Variants in DENND5A observed in about 807,000 individuals in gnomAD.
DENND5A encodes DENN domain containing 5A.
Under a neutral mutation model 140.3 loss-of-function variants are expected in DENND5A, and 64 were observed. The observed-to-expected ratio is 0.46, with a 90% CI of 0.37 to 0.56. The LOEUF (loss-of-function observed/expected upper bound fraction) is 0.56. Among genes scored for constraint, DENND5A ranks in the 20% least tolerant of loss-of-function variants. The pLI is 0.00. For missense variants in DENND5A, 1,292 were observed against 1,593.8 expected (o/e 0.81, Z 3.22); for synonymous variants, 605 against 607.7 (o/e 1.00, Z 0.07).
intron 3 of DENND5A, 82 bp downstream of exon 3, chr11:9,206,591 A>C: frequency 1.0e-6 from 1 of 975,222 alleles, no homozygotes; most frequent in South Asian, 1.3e-5. Flanking sequence ...TGGTGGCACC[A>C]CTGCTACCAC....
intron 8 of DENND5A, chr11:9,177,011 T>C (rs746415336): frequency 1.4e-4 from 61 of 437,642 alleles, no homozygotes; most frequent in Non-Finnish European, 2.1e-4. Flanking sequence ...TCCTAGCACT[T>C]TGGAATGCAG....
chr11:9,151,850 GGACTAGAT>G lies in DENND5A; in HGVS notation c.2521+500_2521+507del, dbSNP rs1399792223. Among the ~76,000 whole-genome samples, 9 of 152,218 alleles carry G rather than the reference GGACTAGAT, an allele frequency of 5.9e-5. No individual in the cohort carries two copies. In the South Asian group the frequency reaches 1.9e-3, roughly 32 times the overall value. On this transcript the variant is annotated intron_variant, in intron 13 of 22. Transcript: ENST00000328194. ...CCTCCTCTTGTAAAATAAAGGGCCT[GGACTAGAT>G]GACCTCTGGAGTTGCCACAAACTCT...
intron 14 of DENND5A, among the ~76,000 whole-genome samples, 178 bp from the exon 15 acceptor site, chr11:9,150,387 C>T (rs1293284625): frequency 6.6e-6 from 1 of 152,144 alleles, no homozygotes; most frequent in African/African-American, 2.4e-5. Flanking sequence ...ATAGGCTCAC[C>T]ATATTTTGGG....
intron 15 of DENND5A, among the ~76,000 whole-genome samples, chr11:9,148,288 G>A (rs1847498001): frequency 1.3e-5 from 2 of 151,558 alleles, no homozygotes; most frequent in South Asian, 4.2e-4. Context: ...TCAGGGAAGT[G>A]ATCAGTTAGC....
chr11:9,250,589 T>C (rs1396447633), intron 1 of DENND5A, among the ~76,000 whole-genome samples: 1 of 152,160 alleles, frequency 6.6e-6, no homozygotes, highest in African/African-American at 2.4e-5. Context: ...AAGACCTGGA[T>C]TCTAACAGAT....
At chr11:9,234,217 C>T (rs111475860) in intron 1 of DENND5A, among the ~76,000 whole-genome samples, 8,872 of 149,934 alleles carry the variant, frequency 0.059, 363 homozygotes, top group South Asian at 0.1. Context: ...CCCTCCAAAC[C>T]ACATTCCTTT....
chr11:9,247,099 A>G (rs528585556), intron 1 of DENND5A, among the ~76,000 whole-genome samples: 51 of 152,158 alleles, frequency 3.4e-4, no homozygotes, highest in African/African-American at 1.1e-3. Context: ...GCATGGTGGC[A>G]GGCGCCTGTA....
intron 1 of DENND5A, among the ~76,000 whole-genome samples, chr11:9,220,631 A>G (rs9736263): frequency 0.63 from 94,713 of 151,228 alleles, 30,239 homozygotes; most frequent in African/African-American, 0.74. Flanking sequence ...GGTGGCTCAC[A>G]CCTATAATCC....
chr11:9,262,760 G>C (rs1452839468), intron 1 of DENND5A, among the ~76,000 whole-genome samples: 1 of 150,342 alleles, frequency 6.7e-6, no homozygotes, highest in Non-Finnish European at 1.5e-5. Context: ...TTTGGACGGA[G>C]TCTCGCTCTG....
chr11:9,175,364 A>G (rs1221595192), intron 8 of DENND5A: 1 of 152,200 alleles, frequency 6.6e-6, no homozygotes, highest in African/African-American at 2.4e-5. Context: ...ACCTAAATAA[A>G]TGGAAAGATA....
Position 9,180,979 on chromosome 11 carries a change from G to T in DENND5A, c.1243C>A (p.Leu415Ile), listed in dbSNP as rs1258859611. The T allele has an allele frequency of 6.2e-7, 1 of 1,614,180 alleles. No individual in the cohort carries two copies. The highest frequency in any genetic ancestry group is 1.7e-5 in the Admixed American group (1 of 60,018). The change falls in exon 6 of 23, where the codon CTC becomes ATC. Residue 415 changes from leucine to isoleucine, a missense_variant. This residue lies in a region of DENND5A where 566 missense variants were observed against 650.4 expected (regional missense o/e 0.87). Transcript: ENST00000328194. ...TCAGGGGGAATTCCAAATGCCATGA[G>T]AATCTCAGAGACTTCCTGGACAAAC... ...LEFVQEVSEI[L>I]MAFGIPPEGN...
chr11:9,189,801 C>A (rs187998774), intron 5 of DENND5A, among the ~76,000 whole-genome samples: 2 of 152,260 alleles, frequency 1.3e-5, no homozygotes, highest in Non-Finnish European at 2.9e-5. Context: ...CCACCATGCC[C>A]AGCCAATTTT....
In DENND5A at chr11:9,264,993, G is replaced by C; in HGVS notation, c.77C>G (p.Thr26Arg). 1.3e-6 allele frequency: 2 copies of C among 1,589,082 alleles called. No homozygotes were observed. Among genetic ancestry groups the C allele is most frequent in the Non-Finnish European group, 8.5e-7 (1 of 1,169,866 alleles). The change falls in exon 1 of 23, where the codon ACG becomes AGG. Residue 26 changes from threonine to arginine, a missense_variant. Thr to Arg is a moderately conservative substitution (Grantham distance 71). This residue lies in a region of DENND5A where 566 missense variants were observed against 650.4 expected (regional missense o/e 0.87). Transcript: ENST00000328194. The stretch of plus-strand genomic sequence containing the variant: ...CTCGTCCGGCTCCAGCCCGGTCTCC[G>C]TGTCCAGTCCGCAGATGACAAAGTA... ...ADYFVICGLD[T>R]ETGLEPDELS...
intron 4 of DENND5A, among the ~76,000 whole-genome samples, chr11:9,202,721 C>G (rs963558042): frequency 1.3e-5 from 2 of 152,120 alleles, no homozygotes; most frequent in African/African-American, 2.4e-5. Context: ...TCATTCACTC[C>G]ATTCCATCCA....
rs1372779520 is a variant in DENND5A at position 9,138,957 on chromosome 11, C to T, written c.*714G>A. 1.3e-5 allele frequency: 2 copies of T among 152,184 alleles called. No individual in the cohort carries two copies. Among genetic ancestry groups the T allele is most frequent in the Non-Finnish European group, 2.9e-5 (2 of 67,990 alleles). 9.4% of individuals were successfully genotyped at this position (152,184 alleles called of 1,614,324 possible). On this transcript the variant is annotated 3_prime_UTR_variant, in exon 23 of 23. Coordinates refer to ENST00000328194, the MANE Select transcript of DENND5A (RefSeq NM_015213.4). Reference sequence around the variant, plus strand: ...TTCCTTTCCTTAAAAAAAGAAAATACTTAAAAACACACAATGGCGGGTTAA... The same window carrying T: ...TTCCTTTCCTTAAAAAAAGAAAATATTTAAAAACACACAATGGCGGGTTAA...
intron 1 of DENND5A, among the ~76,000 whole-genome samples, chr11:9,238,632 T>C (rs991810047): frequency 6.6e-6 from 1 of 151,890 alleles, no homozygotes; most frequent in Non-Finnish European, 1.5e-5. Flanking sequence ...GCCAGGATGG[T>C]CTCGATCTCC....
chr11:9,194,938 C>T lies in DENND5A; in HGVS notation c.950-1257G>A, dbSNP rs545382018. ...TTCACCACCTCGGCCAGGCTGGTCTCGAACTCCTAACCTTGTGATCCACCC... is the reference window on the plus strand; with the variant it reads ...TTCACCACCTCGGCCAGGCTGGTCTTGAACTCCTAACCTTGTGATCCACCC... On this transcript the variant is annotated intron_variant, in intron 4 of 22. Transcript: ENST00000328194. Among the ~76,000 whole-genome samples the T allele has an allele frequency of 2.7e-3, 401 of 150,264 alleles. 1 individual carries two copies. Among genetic ancestry groups the T allele is most frequent in the African/African-American group, 9.1e-3 (374 of 40,900 alleles).
At chr11:9,263,640 A>C (rs1852309551) in intron 1 of DENND5A, among the ~76,000 whole-genome samples, 1 of 145,130 alleles carries the variant, frequency 6.9e-6, no homozygotes, top group East Asian at 2.1e-4. Flanking sequence ...CAGGAGATCG[A>C]GACCATCCTG....
intron 1 of DENND5A, among the ~76,000 whole-genome samples, chr11:9,237,709 C>A (rs1181149618): frequency 2.6e-5 from 4 of 152,066 alleles, no homozygotes; most frequent in Non-Finnish European, 4.4e-5. Flanking sequence ...AACTTGAAAC[C>A]CCGTCTCTAC....
Sources: allele counts gnomAD v4.1 joint callset (sites outside exome capture counted in the v4.1 genomes callset), GRCh38; gene constraint gnomAD v4.1.1; regional missense constraint gnomAD v4.1.1; transcripts MANE v1.5; gene names NCBI Gene and HGNC (gene_info 2026-07-23, HGNC 2026-07-21).